The following LIMCH1 variants were observed in gnomAD, a reference collection of about 807,000 sequenced individuals.
LIMCH1 encodes LIM and calponin homology domains 1.
In LIMCH1, 113 loss-of-function variants were observed where a neutral mutation model predicts 176.5. The observed-to-expected ratio is 0.64, with a 90% confidence interval of 0.55 to 0.75. The LOEUF is 0.75. Ranked by LOEUF, LIMCH1 falls within the 30% of genes least tolerant of loss-of-function variation. The probability of loss-of-function intolerance (pLI) is 0.00; values close to 1 mark genes in which losing one functional copy is unlikely to be tolerated. For missense variants in LIMCH1, 1,674 were observed against 1,814.9 expected (o/e 0.92, Z 1.41); for synonymous variants, 619 against 645.9 (o/e 0.96, Z 0.63).
At chr4:41,609,851 G>A (rs1217695674) in intron 4 of LIMCH1, among the ~76,000 whole-genome samples, 1 of 152,198 alleles carries the variant, frequency 6.6e-6, no homozygotes, top group African/African-American at 2.4e-5. Context: ...TCTTCTGCTC[G>A]CCATCAGAAG....
At chr4:41,435,764 ACTGT>A (rs1239209618) in intron 1 of LIMCH1, among the ~76,000 whole-genome samples, 1 of 152,216 alleles carries the variant, frequency 6.6e-6, no homozygotes, top group African/African-American at 2.4e-5. Flanking sequence ...CTGCAGAGAC[ACTGT>A]CTGGGAACAT....
chr4:41,492,184 C>G (rs553313768), intron 1 of LIMCH1, among the ~76,000 whole-genome samples: 190 of 152,258 alleles, frequency 1.2e-3, no homozygotes, highest in South Asian at 2.3e-3. Context: ...GCAGATCACC[C>G]GAGGCCAGGA....
chr4:41,477,745 G>A (rs2067966479), intron 1 of LIMCH1, among the ~76,000 whole-genome samples: 4 of 152,254 alleles, frequency 2.6e-5, no homozygotes, highest in Admixed American at 2.6e-4. Context: ...ATAGGGGTGA[G>A]GGGCACTGCG....
chr4:41,560,039 C>A (rs140275853), intron 1 of LIMCH1, among the ~76,000 whole-genome samples: 4 of 152,262 alleles, frequency 2.6e-5, no homozygotes, highest in African/African-American at 9.6e-5. Context: ...CTGACAATTT[C>A]TCCACTTTAT....
In LIMCH1 at chr4:41,547,863, GTATATATATATATATATA is replaced by G. The variant is rs573342962; in HGVS notation, c.-241+9530_-241+9547del. ...TTTATGATATATAATTTGTGTGTGTGTATATATATATATATATATATATATATATATATAAACAGTGAG... is the reference window on the plus strand; with the variant it reads ...TTTATGATATATAATTTGTGTGTGTGTATATATATATATATAAACAGTGAG... On this transcript the variant is annotated intron_variant, in intron 1 of 31. Coordinates refer to ENST00000503057, the MANE Select transcript of LIMCH1 (RefSeq NM_001330672.2). Among the ~76,000 whole-genome samples the G allele has an allele frequency of 3.5e-3, 330 of 93,232 alleles. 3 individuals carry two copies. Among genetic ancestry groups the G allele is most frequent in the African/African-American group, 0.013 (308 of 22,956 alleles). 61.2% of individuals were successfully genotyped at this position (93,232 alleles called of 152,430 possible). A position where few individuals can be genotyped will look rare whatever the true frequency, so the allele number is the denominator to read the frequency against.
intron 1 of LIMCH1, among the ~76,000 whole-genome samples, chr4:41,407,060 G>A (rs572561075): frequency 1.3e-5 from 2 of 152,242 alleles, no homozygotes; most frequent in South Asian, 4.2e-4. Context: ...CATGCATCTG[G>A]TGGCTTTCAT....
intron 1 of LIMCH1, among the ~76,000 whole-genome samples, chr4:41,421,444 T>C (rs2060597790): frequency 1.3e-5 from 2 of 152,230 alleles, no homozygotes; most frequent in South Asian, 2.1e-4. Context: ...TTAACAGTTA[T>C]TGGTTATGAT....
chr4:41,681,118 A>C, intron 25 of LIMCH1, 59 bp downstream of exon 25: 1 of 1,017,356 alleles, frequency 9.8e-7, no homozygotes, highest in Non-Finnish European at 1.5e-6. Flanking sequence ...GAAGTACCAA[A>C]CCCCAAGACC....
intron 1 of LIMCH1, among the ~76,000 whole-genome samples, chr4:41,545,229 A>G (rs2079204686): frequency 1.3e-5 from 2 of 152,236 alleles, no homozygotes; most frequent in Admixed American, 1.3e-4. Context: ...AAATTTTCCC[A>G]GATTTGCCAT....
At chr4:41,645,514 G>A (rs1454339577) in intron 15 of LIMCH1, among the ~76,000 whole-genome samples, 1 of 152,182 alleles carries the variant, frequency 6.6e-6, no homozygotes, top group Non-Finnish European at 1.5e-5. Flanking sequence ...AGATTCCAAA[G>A]CATGGAAAAG....
chr4:41,517,129 A>T (rs1333290490), intron 2 of LIMCH1, among the ~76,000 whole-genome samples: 1 of 152,202 alleles, frequency 6.6e-6, no homozygotes. Flanking sequence ...TAGAGACTCC[A>T]TCTTCAACAT....
intron 1 of LIMCH1, among the ~76,000 whole-genome samples, chr4:41,489,589 T>A (rs189080720): frequency 2.5e-4 from 38 of 152,304 alleles, no homozygotes; most frequent in Non-Finnish European, 5.0e-4. Flanking sequence ...TTTGGGGATT[T>A]TCCAGTGATA....
intron 2 of LIMCH1, among the ~76,000 whole-genome samples, chr4:41,509,520 C>G (rs2074590500): frequency 6.6e-6 from 1 of 152,204 alleles, no homozygotes; most frequent in Non-Finnish European, 1.5e-5. Flanking sequence ...ATTGGCCACG[C>G]TGACTTGGCC....
chr4:41,678,065 C>T (rs934750924), intron 23 of LIMCH1, among the ~76,000 whole-genome samples: 2 of 152,038 alleles, frequency 1.3e-5, no homozygotes, highest in Non-Finnish European at 2.9e-5. Flanking sequence ...AGGTATTTCT[C>T]CTAATGCTAT....
chr4:41,375,130 AT>A (rs1209110252), intron 1 of LIMCH1, among the ~76,000 whole-genome samples: 1 of 152,230 alleles, frequency 6.6e-6, no homozygotes, highest in East Asian at 1.9e-4. Flanking sequence ...TTTATTAAAA[AT>A]GTGGTAATAT....
intron 1 of LIMCH1, among the ~76,000 whole-genome samples, chr4:41,391,401 A>C (rs2057223660): frequency 1.3e-5 from 2 of 152,234 alleles, no homozygotes; most frequent in South Asian, 4.1e-4. Flanking sequence ...TTTTGCAGAA[A>C]TTAGGTTCTA....
chr4:41,691,592 CAA>C lies in LIMCH1; in HGVS notation c.4276-669_4276-668del, dbSNP rs796984431. ...TGAAACTCCATCTTTACTAAAAATACAAAAAAAAAAAAAAAAAAAAAATAGCC... is the reference window on the plus strand; with the variant it reads ...TGAAACTCCATCTTTACTAAAAATACAAAAAAAAAAAAAAAAAAAATAGCC... On this transcript the variant is annotated intron_variant, in intron 30 of 31. Transcript: ENST00000503057. 3.4e-3 allele frequency among the ~76,000 whole-genome samples: 210 copies of C among 62,390 alleles called. 1 individual carries two copies. Among genetic ancestry groups the C allele is most frequent in the African/African-American group, 9.9e-3 (196 of 19,782 alleles). The allele number at this position is 62,390 out of a possible 152,430, so 40.9% of individuals were successfully genotyped here.
chr4:41,412,986 A>G (rs1296035600), intron 1 of LIMCH1, among the ~76,000 whole-genome samples: 1 of 152,174 alleles, frequency 6.6e-6, no homozygotes, highest in Non-Finnish European at 1.5e-5. Context: ...CTCATAGCTA[A>G]AGGGAAAGGA....
Position 41,603,866 on chromosome 4 carries a change from C to T in LIMCH1, c.-133-9C>T, listed in dbSNP as rs375058873. ...CTGACAATATTTTCTTTTCCCTTTC[C>T]TTGACTAGGAGCCTTGATTATAGTA... On this transcript the variant is annotated splice_polypyrimidine_tract_variant and intron_variant, in intron 2 of 31. Coordinates refer to ENST00000503057, the MANE Select transcript of LIMCH1 (RefSeq NM_001330672.2). 6.9e-6 allele frequency: 11 copies of T among 1,598,414 alleles called. No individual in the cohort carries two copies. In the African/African-American group the frequency reaches 1.3e-4, roughly 19 times the overall value.
Sources: allele counts gnomAD v4.1 joint callset (sites outside exome capture counted in the v4.1 genomes callset), GRCh38; gene constraint gnomAD v4.1.1; transcripts MANE v1.5; gene names NCBI Gene and HGNC (gene_info 2026-07-23, HGNC 2026-07-21).